C21orf58: variants seen among roughly 807,000 people sequenced by gnomAD.
C21orf58 encodes uncharacterized protein C21orf58.
In C21orf58, 34 loss-of-function variants were observed where a neutral mutation model predicts 35.8. That is an observed-to-expected ratio of 0.95 (90% CI 0.72 to 1.26). The LOEUF is 1.26. Ranked by LOEUF, C21orf58 falls within the 50% of genes most tolerant of loss-of-function variation. C21orf58 has a pLI of 0.00. For synonymous variants in C21orf58, 191 were observed against 175.8 expected (o/e 1.09, Z -0.68); for missense variants, 440 against 414.3 (o/e 1.06, Z -0.54).
At chr21:46,303,741 ATATATTTTTTTT>A (rs1276875900) in intron 6 of C21orf58, among the ~76,000 whole-genome samples, 274 of 24,156 alleles carry the variant, frequency 0.011, 1 homozygote, top group Middle Eastern at 0.038. Context: ...ATATATATAT[ATATATTTTTTTT>A]TTTTTTTTTT....
At chr21:46,322,419 G>A in intron 1 of C21orf58, 1 of 984,782 alleles carries the variant, frequency 1.0e-6, no homozygotes, top group Non-Finnish European at 1.2e-6. Context: ...CATCCCCTCA[G>A]TCCCACAGTT....
At position 46,301,648 on chromosome 21, in the gene C21orf58, C is replaced by T. The variant is rs1038370138; in HGVS notation, c.*351G>A. ...TATTTCATCAGGCTGGTGGCGTCCACGGCCTCAACTTTACCTCCGTGATGG... is the reference window on the plus strand; with the variant it reads ...TATTTCATCAGGCTGGTGGCGTCCATGGCCTCAACTTTACCTCCGTGATGG... On this transcript the variant is annotated 3_prime_UTR_variant, in exon 8 of 8. Transcript: ENST00000291691. 86 of 1,092,942 alleles carry T rather than the reference C, an allele frequency of 7.9e-5. No individual in the cohort carries two copies. The South Asian group carries it at 1.3e-3, about 16-fold the overall frequency. The allele number at this position is 1,092,942 out of a possible 1,614,324, so 67.7% of individuals were successfully genotyped here.
chr21:46,321,597 T>C, intron 1 of C21orf58, among the ~76,000 whole-genome samples: 1 of 152,158 alleles, frequency 6.6e-6, no homozygotes. Context: ...TTAAAATGTG[T>C]CTATTATCTC....
chr21:46,307,906 T>C (rs2082494177), intron 6 of C21orf58, among the ~76,000 whole-genome samples: 1 of 152,198 alleles, frequency 6.6e-6, no homozygotes, highest in Non-Finnish European at 1.5e-5. Context: ...CCATACCACA[T>C]GTTGCCAAGG....
chr21:46,317,905 G>C, intron 2 of C21orf58, 107 bp downstream of exon 2: 1 of 1,242,976 alleles, frequency 8.0e-7, no homozygotes. Flanking sequence ...CCCAGGCCTA[G>C]CCCTTGGGGC....
intron 1 of C21orf58, chr21:46,322,396 G>A: frequency 1.0e-6 from 1 of 979,294 alleles, no homozygotes; most frequent in Non-Finnish European, 1.2e-6. Context: ...CACAGTCTAG[G>A]CAAACCTGGG....
intron 6 of C21orf58, among the ~76,000 whole-genome samples, chr21:46,310,500 A>AT (rs1350922548): frequency 4.0e-5 from 6 of 151,126 alleles, no homozygotes; most frequent in Non-Finnish European, 8.8e-5. Flanking sequence ...ATAAAAATAA[A>AT]AAAAAAAAAC....
At chr21:46,313,067 A>G in intron 5 of C21orf58, 5 of 985,434 alleles carry the variant, frequency 5.1e-6, no homozygotes, top group Non-Finnish European at 6.0e-6. Flanking sequence ...GCAGAGACCA[A>G]GAGTTGGCAA....
At chr21:46,311,086 G>A (rs1443129678) in intron 6 of C21orf58, among the ~76,000 whole-genome samples, 1 of 151,912 alleles carries the variant, frequency 6.6e-6, no homozygotes, top group Non-Finnish European at 1.5e-5. Context: ...GGGCCAGGCT[G>A]GTCTCGAACT....
chr21:46,318,793 T>C, intron 1 of C21orf58: 1 of 986,946 alleles, frequency 1.0e-6, no homozygotes, highest in Non-Finnish European at 1.2e-6. Context: ...ACCTTGGGGC[T>C]GGGGGCACTG....
At chr21:46,300,609 T>C (rs1045906216), downstream of C21orf58, 2 of 1,167,296 alleles carry the variant, frequency 1.7e-6, no homozygotes, top group East Asian at 1.2e-4. Context: ...TGCCAGTAGC[T>C]GCGCTGGGCC....
intron 6 of C21orf58, among the ~76,000 whole-genome samples, chr21:46,308,585 A>G (rs1177204172): frequency 6.6e-6 from 1 of 152,232 alleles, no homozygotes; most frequent in African/African-American, 2.4e-5. Flanking sequence ...TTTGTTGGCC[A>G]TAAGCGAAAA....
At chr21:46,313,415 G>A (rs976611048) in intron 5 of C21orf58, among the ~76,000 whole-genome samples, 8 of 152,160 alleles carry the variant, frequency 5.3e-5, no homozygotes, top group African/African-American at 1.2e-4. Context: ...TAGAGCTGCC[G>A]TGCCCGTCCT....
intron 6 of C21orf58, among the ~76,000 whole-genome samples, chr21:46,304,721 A>T (rs1425713335): frequency 6.6e-6 from 1 of 152,148 alleles, no homozygotes; most frequent in Non-Finnish European, 1.5e-5. Flanking sequence ...GTATTTCCTG[A>T]CACAGCCATT....
chr21:46,312,658 C>T (rs930711469), intron 5 of C21orf58, among the ~76,000 whole-genome samples: 3 of 152,204 alleles, frequency 2.0e-5, no homozygotes, highest in Admixed American at 6.5e-5. Context: ...GCATGAGCCA[C>T]CATGCCCGGC....
At chr21:46,317,752 G>T (rs2083025248) in intron 2 of C21orf58, among the ~76,000 whole-genome samples, 2 of 152,200 alleles carry the variant, frequency 1.3e-5, no homozygotes, top group African/African-American at 4.8e-5. Flanking sequence ...GCAGGCAGGG[G>T]GTGCAGAGGT....
intron 6 of C21orf58, among the ~76,000 whole-genome samples, chr21:46,310,497 TA>T (rs1219041481): frequency 0.06 from 7,663 of 127,294 alleles, 250 homozygotes; most frequent in Non-Finnish European, 0.072. Context: ...AAAATAAAAA[TA>T]AAAAAAAAAA....
chr21:46,318,709 C>T, intron 1 of C21orf58: 1 of 1,025,246 alleles, frequency 9.8e-7, no homozygotes, highest in Non-Finnish European at 1.2e-6. Flanking sequence ...AGGGGTAGGA[C>T]AGAGGAGGGG....
chr21:46,303,731 ATATATATATATATATTTTTTTT>A (rs1419770543), intron 6 of C21orf58, among the ~76,000 whole-genome samples: 11 of 28,432 alleles, frequency 3.9e-4, no homozygotes, highest in Non-Finnish European at 5.3e-4. Flanking sequence ...ATATATATAT[ATATATATATATATATTTTTTTT>A]TTTTTTTTTT....
Sources: gnomAD v4.1 joint callset for allele counts (sites outside exome capture counted in the v4.1 genomes callset) on GRCh38, gnomAD v4.1.1 for gene constraint, MANE v1.5 for transcripts, NCBI Gene and HGNC (gene_info 2026-07-23, HGNC 2026-07-21) for gene names.